The following TRIM21 variants were observed in gnomAD, a reference collection of about 807,000 sequenced individuals.
TRIM21 encodes tripartite motif containing 21.
TRIM21 carries 35 observed loss-of-function variants against 36.1 expected under a neutral mutation model. The observed-to-expected ratio is 0.97, with a 90% CI of 0.74 to 1.28. The LOEUF is 1.28. Among genes scored for constraint, TRIM21 ranks in the 50% most tolerant of loss-of-function variants. The pLI, the probability that TRIM21 is intolerant of heterozygous loss-of-function variation, is 0.00. For synonymous variants in TRIM21, 256 were observed against 211.5 expected, an observed-to-expected ratio of 1.21 and a Z score of -1.83; for missense variants, 635 against 570.7, an observed-to-expected ratio of 1.11 and a Z score of -1.15.
At chr11:4,386,336 C>G in intron 5 of TRIM21, 79 bp from the exon 6 acceptor site, 1 of 1,169,326 alleles carries the variant, frequency 8.6e-7, no homozygotes, top group Non-Finnish European at 1.3e-6. Flanking sequence ...TTGTGGAGGA[C>G]TCCGATAATT....
At position 4,388,433 on chromosome 11, in the gene TRIM21, T is replaced by C. The variant is rs1478181847; in HGVS notation, c.602A>G (p.Glu201Gly). 6.2e-7 allele frequency: 1 copy of C among 1,613,910 alleles called. No homozygotes were observed. Among genetic ancestry groups the C allele is most frequent in the Admixed American group, 1.7e-5 (1 of 60,026 alleles). Reference sequence around the variant, plus strand: ...TCTCAGCTGCTCCCTCTCATCCTTCTCCAGCTCCTGCAGCTGCCTCTGTTC... The same window carrying C: ...TCTCAGCTGCTCCCTCTCATCCTTCCCCAGCTCCTGCAGCTGCCTCTGTTC... ...EEEQRQLQEL[E>G]KDEREQLRIL... is the part of the protein sequence containing the mutation. Residue 201 changes from glutamate (E) to glycine (G), a missense_variant, in exon 4 of 7, where the codon GAG (glutamate) becomes GGG (glycine). Coordinates refer to ENST00000254436, the MANE Select transcript of TRIM21 (RefSeq NM_003141.4).
intron 1 of TRIM21, among the ~76,000 whole-genome samples, chr11:4,390,899 T>A (rs985830625): frequency 1.3e-5 from 2 of 152,258 alleles, no homozygotes; most frequent in African/African-American, 4.8e-5. Context: ...TACACTCCTA[T>A]GTCTCACCGT....
Position 4,390,051 on chromosome 11 carries a change from T to A in TRIM21, c.359A>T (p.His120Leu). The A allele has an allele frequency of 6.2e-7, 1 of 1,613,968 alleles. No homozygotes were observed. The highest frequency in any genetic ancestry group is 8.5e-7 in the Non-Finnish European group (1 of 1,179,876). ...AAGAGGGACCATGGCGTGGTCACGG[T>A]GTTTCCGAGACTGGGCACATACCCA... ...LCWVCAQSRK[H>L]RDHAMVPLEE... Residue 120 changes from histidine (H) to leucine (L), a missense_variant, in exon 2 of 7, where the codon CAC (histidine) becomes CTC (leucine). Coordinates refer to ENST00000254436, the MANE Select transcript of TRIM21 (RefSeq NM_003141.4).
Position 4,386,892 on chromosome 11 carries a change from C to A in TRIM21, c.758+76G>T. ...GGGGAAAACTTCAGTGCATGTACTT[C>A]TAATTCAATCACCTTTGTCATAGGC... is the stretch of plus-strand genomic sequence containing the variant. On this transcript the variant is annotated intron_variant, in intron 5 of 6. Coordinates refer to ENST00000254436, the MANE Select transcript of TRIM21 (RefSeq NM_003141.4). 5 of 1,472,532 alleles carry A rather than the reference C, an allele frequency of 3.4e-6. No individual in the cohort carries two copies. In the Admixed American group the frequency reaches 8.3e-5, roughly 24 times the overall value. The allele number at this position is 1,472,532 out of a possible 1,614,324, so 91.2% of individuals were successfully genotyped here.
chr11:4,393,433 G>A (rs886543515), intron 1 of TRIM21, among the ~76,000 whole-genome samples, 200 bp downstream of exon 1: 1 of 152,162 alleles, frequency 6.6e-6, no homozygotes, highest in African/African-American at 2.4e-5. Context: ...CGGCAGTCAG[G>A]TCCACACCCC....
Position 4,388,445 on chromosome 11 carries a change from A to C in TRIM21, c.590T>G (p.Leu197Arg). The C allele has an allele frequency of 6.2e-7, 1 of 1,613,826 alleles. No individual in the cohort carries two copies. Among genetic ancestry groups the C allele is most frequent in the Non-Finnish European group, 8.5e-7 (1 of 1,179,886 alleles). ...CCTCTCATCCTTCTCCAGCTCCTGC[A>C]GCTGCCTCTGTTCTTCTTCAACCAG... ...NFLVEEEQRQ[L>R]QELEKDEREQ... Residue 197 changes from leucine to arginine, a missense_variant, in exon 4 of 7, where the codon CTG (leucine) becomes CGG (arginine). Coordinates refer to ENST00000254436, the MANE Select transcript of TRIM21 (RefSeq NM_003141.4).
chr11:4,387,035 G>A lies in TRIM21; in HGVS notation c.736-45C>T, dbSNP rs5030771. On this transcript the variant is annotated intron_variant, in intron 4 of 6. Coordinates refer to ENST00000254436, the MANE Select transcript of TRIM21 (RefSeq NM_003141.4). ...AAAGTAAGTTCTGGATTGCTGGATC[G>A]CCACTGAGACATCAGCCCTGTGGGT... 4.8e-4 allele frequency: 743 copies of A among 1,555,072 alleles called. 2 individuals are homozygous for A. The highest frequency in any genetic ancestry group is 1.0e-3 in the Middle Eastern group (6 of 5,986).
At chr11:4,386,304 A>T (rs773541152) in intron 5 of TRIM21, 47 bp from the exon 6 acceptor site, 3 of 1,461,892 alleles carry the variant, frequency 2.1e-6, no homozygotes, top group African/African-American at 2.8e-5. Flanking sequence ...TCCTATCCCA[A>T]ACCCTAACAC....
chr11:4,386,984 T>C lies in TRIM21; in HGVS notation c.742A>G (p.Ile248Val). 1.3e-6 allele frequency: 2 copies of C among 1,581,818 alleles called. No homozygotes were observed. The highest frequency in any genetic ancestry group is 1.2e-5 in the South Asian group (1 of 86,260). Residue 248 changes from isoleucine to valine, a missense_variant, in exon 5 of 7, where the codon ATA becomes GTA. Ile to Val is a conservative substitution (Grantham distance 29). Coordinates refer to ENST00000254436, the MANE Select transcript of TRIM21 (RefSeq NM_003141.4). ...CCTCCTTACCTTTCCAGGACAATTA[T>C]CACCTCCTGAGGAGAAAAGAGACAG... ...SSALELLQEV[I>V]IVLERSESWN...
At position 4,385,624 on chromosome 11, in the gene TRIM21, C is replaced by T; in HGVS notation, c.1089G>A (p.Val363=). The change falls in exon 7 of 7, where the codon GTG becomes GTA. Residue 363 remains valine, a synonymous_variant. Transcript: ENST00000254436. ...TAAGCAAAAAGTGCCCCTTCCTGCG[C>T]ACAGAGTCTCTGCAGACACCCAGGT... ...AWDLGVCRDS[V]RRKGHFLLSS... is the part of the protein sequence containing the mutation. The T allele has an allele frequency of 1.2e-6, 2 of 1,612,758 alleles. No individual in the cohort carries two copies. Among genetic ancestry groups the T allele is most frequent in the South Asian group, 1.1e-5 (1 of 90,766 alleles).
intron 4 of TRIM21, 62 bp downstream of exon 4, chr11:4,388,238 G>T: frequency 7.0e-7 from 1 of 1,432,354 alleles, no homozygotes; most frequent in South Asian, 1.3e-5. Flanking sequence ...GGCAGTTCCA[G>T]ATAGCTCTGG....
intron 4 of TRIM21, 103 bp from the exon 5 acceptor site, chr11:4,387,093 T>C (rs2094957051): frequency 1.8e-6 from 2 of 1,110,214 alleles, no homozygotes; most frequent in South Asian, 2.8e-5. Context: ...TGGGGCACTG[T>C]TCCTCTCCTT....
At chr11:4,393,492 G>A (rs199885437) in intron 1 of TRIM21, 141 bp downstream of exon 1, 1 of 152,606 alleles carries the variant, frequency 6.6e-6, no homozygotes, top group Admixed American at 6.5e-5. Context: ...GCTGGTCTTG[G>A]GTTGAGGGAT....
chr11:4,392,587 C>G (rs74954683), intron 1 of TRIM21, among the ~76,000 whole-genome samples: 5,163 of 152,230 alleles, frequency 0.034, 117 homozygotes, highest in Non-Finnish European at 0.041. Context: ...CAAAACAAAA[C>G]AAGGCATAAA....
chr11:4,390,692 A>G (rs1161561579), intron 1 of TRIM21, among the ~76,000 whole-genome samples: 1 of 152,186 alleles, frequency 6.6e-6, no homozygotes, highest in African/African-American at 2.4e-5. Flanking sequence ...CTGTAGAGCT[A>G]AAGTAACCCA....
In TRIM21 at chr11:4,390,246, C is replaced by T. The variant is rs751114017; in HGVS notation, c.164G>A (p.Arg55Gln). The change falls in exon 2 of 7, where the codon CGG becomes CAG. Residue 55 changes from arginine to glutamine, a missense_variant. Physicochemically the swap from Arg to Gln is conservative, Grantham distance 43. Coordinates refer to ENST00000254436, the MANE Select transcript of TRIM21 (RefSeq NM_003141.4). ...KGGGSVCPVC[R>Q]QRFLLKNLRP... ...GAGATTCTTGAGCAGAAAGCGCTGC[C>T]GGCACACAGGACAGACGCTGCCCCC... The T allele has an allele frequency of 1.2e-5, 20 of 1,613,864 alleles. No individual in the cohort carries two copies. The highest frequency in any genetic ancestry group is 6.6e-5 in the South Asian group (6 of 91,082).
rs761094259 is a variant in TRIM21, at chr11:4,389,749, C to T, written c.409G>A (p.Glu137Lys). 29 of 1,613,722 alleles carry T rather than the reference C, an allele frequency of 1.8e-5. No homozygotes were observed. The highest frequency in any genetic ancestry group is 2.4e-5 in the Non-Finnish European group (28 of 1,179,772). Residue 137 changes from glutamate (E) to lysine (K), a missense_variant and splice_region_variant, in exon 3 of 7, where the codon GAG becomes AAG. Glu to Lys is a moderately conservative substitution (Grantham distance 56). Transcript: ENST00000254436. The part of the protein sequence containing the change: ...PLEEAAQEYQ[E>K]KLQVALGELR... ...TCCCCTAATGCCACCTGGAGCTTCTCCTGCAGAGAAAGACAGCTTATTCGT... is the reference window on the plus strand; with the variant it reads ...TCCCCTAATGCCACCTGGAGCTTCTTCTGCAGAGAAAGACAGCTTATTCGT...
chr11:4,389,953 T>G, intron 2 of TRIM21, 49 bp downstream of exon 2: 1 of 1,595,866 alleles, frequency 6.3e-7, no homozygotes, highest in Non-Finnish European at 8.6e-7. Context: ...TCCTCTCCCA[T>G]TCCCTGCTCT....
intron 1 of TRIM21, among the ~76,000 whole-genome samples, chr11:4,392,291 G>C (rs2094963903): frequency 6.6e-6 from 1 of 152,124 alleles, no homozygotes; most frequent in African/African-American, 2.4e-5. Flanking sequence ...AATGGGTCAG[G>C]CACGGTGGCT....
Sources: gnomAD v4.1 joint callset for allele counts (sites outside exome capture counted in the v4.1 genomes callset) on GRCh38, gnomAD v4.1.1 for gene constraint, MANE v1.5 for transcripts, NCBI Gene and HGNC (gene_info 2026-07-23, HGNC 2026-07-21) for gene names.